The following SMPX variants were observed in gnomAD, a reference collection of about 807,000 sequenced individuals.
SMPX encodes the protein small muscular protein.
A neutral mutation model predicts 6.3 loss-of-function variants in SMPX; 2 were observed. The observed-to-expected ratio is 0.32, with a 90% CI of 0.13 to 0.99. The LOEUF is 0.99. Among genes scored for constraint, SMPX ranks in the 50% least tolerant of loss-of-function variants. SMPX has a pLI of 0.49. For missense variants in SMPX, 60 were observed against 66.8 expected, an observed-to-expected ratio of 0.90 and a Z score of 0.36; for synonymous variants, 32 against 24.7, an observed-to-expected ratio of 1.30 and a Z score of -0.88.
chrX:21,714,623 T>A (rs148746981), intron 4 of SMPX, among the ~76,000 whole-genome samples: 134 of 112,378 alleles, frequency 1.2e-3, no homozygotes, highest in African/African-American at 4.1e-3. Context: ...TATACTGCTG[T>A]GTGCCTGCTA....
chrX:21,751,901 C>T (rs775503532), intron 2 of SMPX, among the ~76,000 whole-genome samples: 220 of 112,155 alleles, frequency 2.0e-3, no homozygotes, highest in Non-Finnish European at 3.8e-3. Flanking sequence ...GGTGTAACCA[C>T]GTTCATATTT....
chrX:21,743,969 G>T, intron 2 of SMPX, 133 bp from the exon 3 acceptor site: 1 of 508,933 alleles, frequency 2.0e-6, no homozygotes, highest in Non-Finnish European at 3.4e-6. Context: ...CAGGAAAATT[G>T]CTGTAATGAC....
chrX:21,742,980 A>C (rs1602109354), intron 3 of SMPX, among the ~76,000 whole-genome samples: 1 of 112,404 alleles, frequency 8.9e-6, no homozygotes, highest in Non-Finnish European at 1.9e-5. Context: ...TGAGAATCAG[A>C]CCTTCCAGGT....
chrX:21,716,019 C>T (rs2092784724), intron 4 of SMPX, among the ~76,000 whole-genome samples: 2 of 111,839 alleles, frequency 1.8e-5, no homozygotes, highest in Non-Finnish European at 3.8e-5. Flanking sequence ...GTTAAGTGGT[C>T]CCTTCTGGGA....
At chrX:21,750,432 G>A (rs191720028) in intron 2 of SMPX, among the ~76,000 whole-genome samples, 199 of 112,011 alleles carry the variant, frequency 1.8e-3, no homozygotes, top group African/African-American at 6.3e-3. Flanking sequence ...ATTCATTTAT[G>A]TACTGCCTAT....
chrX:21,749,843 C>T (rs149620091), intron 2 of SMPX, among the ~76,000 whole-genome samples: 1 of 112,282 alleles, frequency 8.9e-6, no homozygotes, highest in African/African-American at 3.2e-5. Context: ...TTAACTGAAG[C>T]CCCTCCCTTT....
chrX:21,739,332 T>C (rs1569307933), intron 3 of SMPX, among the ~76,000 whole-genome samples: 1 of 112,304 alleles, frequency 8.9e-6, no homozygotes, highest in Admixed American at 9.4e-5. Context: ...CATAAAATAT[T>C]GAGGTGCTGT....
At chrX:21,744,398 G>C (rs1203010924) in intron 2 of SMPX, among the ~76,000 whole-genome samples, 5 of 111,790 alleles carry the variant, frequency 4.5e-5, no homozygotes, top group Non-Finnish European at 7.5e-5. Context: ...GGGTCAGTAA[G>C]GAGTAAAGAG....
intron 3 of SMPX, among the ~76,000 whole-genome samples, chrX:21,739,666 G>C (rs1444123555): frequency 1.8e-5 from 2 of 112,102 alleles, no homozygotes; most frequent in Non-Finnish European, 1.9e-5. Context: ...TTTTAACAAG[G>C]CTATAAAGTG....
chrX:21,722,549 C>A lies in SMPX; in HGVS notation c.*14+15000G>T, dbSNP rs1490203751. ...GGCCTGTTGGTTCTGGTTTTCCAAC[C>A]CTTGAACTGTAACAGTGTCAGCACT... On this transcript the variant is annotated intron_variant, in intron 4 of 4. Coordinates refer to ENST00000379494, the MANE Select transcript of SMPX (RefSeq NM_014332.3). Among the ~76,000 whole-genome samples the A allele has an allele frequency of 3.6e-5, 4 of 112,029 alleles. No individual in the cohort carries two copies. The East Asian group carries it at 8.4e-4, about 23-fold the overall frequency.
chrX:21,743,687 C>A, intron 3 of SMPX, 63 bp downstream of exon 3: 2 of 992,499 alleles, frequency 2.0e-6, no homozygotes, highest in Non-Finnish European at 2.9e-6. Context: ...GCCTCTGCCC[C>A]CTCTGGTGAG....
intron 4 of SMPX, among the ~76,000 whole-genome samples, chrX:21,706,880 C>T (rs1001725378): frequency 9.1e-6 from 1 of 110,320 alleles, no homozygotes; most frequent in African/African-American, 3.3e-5. Flanking sequence ...TAAAGAAGGA[C>T]GTGTTTGCTT....
chrX:21,748,489 G>A (rs2092823878), intron 2 of SMPX, among the ~76,000 whole-genome samples: 1 of 111,663 alleles, frequency 9.0e-6, no homozygotes. Context: ...TTGTATTCCT[G>A]AAGTGCTTTT....
At chrX:21,735,066 G>A (rs1429419630) in intron 4 of SMPX, among the ~76,000 whole-genome samples, 1 of 111,310 alleles carries the variant, frequency 9.0e-6, no homozygotes, top group South Asian at 3.8e-4. Context: ...GTGAGGGTGG[G>A]TGACAAAGTG....
intron 4 of SMPX, among the ~76,000 whole-genome samples, chrX:21,722,497 A>G (rs2092792756): frequency 9.0e-6 from 1 of 111,672 alleles, no homozygotes; most frequent in South Asian, 3.8e-4. Context: ...AAAAGTTAAG[A>G]AAAAAAACAG....
At chrX:21,716,812 T>C (rs1274824255) in intron 4 of SMPX, among the ~76,000 whole-genome samples, 2 of 111,752 alleles carry the variant, frequency 1.8e-5, no homozygotes, top group African/African-American at 6.5e-5. Flanking sequence ...ATAGGATTTC[T>C]TGGAAAGAAA....
intron 4 of SMPX, among the ~76,000 whole-genome samples, chrX:21,731,428 T>TGTGTGTATGTGTACACATACACATA (rs1555973316): frequency 1.9e-5 from 1 of 52,734 alleles, no homozygotes; most frequent in African/African-American, 7.5e-5. Flanking sequence ...TACACACATA[T>TGTGTGTATGTGTACACATACACATA]ATGTGTGTAT....
intron 4 of SMPX, among the ~76,000 whole-genome samples, chrX:21,723,690 G>T (rs1051432257): frequency 9.2e-4 from 103 of 111,999 alleles, no homozygotes; most frequent in African/African-American, 3.1e-3. Context: ...CCATAGCATA[G>T]GCTGCAGGAA....
intron 4 of SMPX, among the ~76,000 whole-genome samples, chrX:21,725,545 G>A (rs1345699162): frequency 8.9e-6 from 1 of 112,152 alleles, no homozygotes; most frequent in East Asian, 2.8e-4. Context: ...GTGAGAGGAG[G>A]GAAATTCCTT....
Sources: allele counts gnomAD v4.1 joint callset (sites outside exome capture counted in the v4.1 genomes callset), GRCh38; gene constraint gnomAD v4.1.1; transcripts MANE v1.5; gene names NCBI Gene and HGNC (gene_info 2026-07-23, HGNC 2026-07-21).